The following CLUH variants were observed in gnomAD, a reference collection of about 807,000 sequenced individuals.
CLUH encodes the protein CLUH binding protein of NUMT mRNA.
Under a neutral mutation model 139.3 loss-of-function variants are expected in CLUH, and 77 were observed. That is an observed-to-expected ratio of 0.55 (90% CI 0.46 to 0.67). The LOEUF (loss-of-function observed/expected upper bound fraction) is 0.67. Ranked by LOEUF, CLUH falls within the 30% of genes least tolerant of loss-of-function variation. The probability of loss-of-function intolerance (pLI) is 0.00; values close to 1 mark genes in which losing one functional copy is unlikely to be tolerated. For missense variants in CLUH, 1,876 were observed against 1,875.8 expected, an observed-to-expected ratio of 1.00 and a Z score of 0.00; for synonymous variants, 999 against 801.6, an observed-to-expected ratio of 1.25 and a Z score of -4.16.
At chr17:2,697,727 A>G (rs1011301782) in intron 10 of CLUH, among the ~76,000 whole-genome samples, 169 bp downstream of exon 10, 21 of 152,242 alleles carry the variant, frequency 1.4e-4, no homozygotes, top group Middle Eastern at 3.4e-3. Context: ...TGCGCTCGGG[A>G]GCCTGACAGC....
At chr17:2,691,731 G>GC (rs1410850469) in intron 24 of CLUH, 30 bp downstream of exon 24, 1 of 1,600,356 alleles carries the variant, frequency 6.2e-7, no homozygotes, top group Admixed American at 1.7e-5. Context: ...CGCTCGCCGG[G>GC]CCGGAGGGGC....
At chr17:2,697,047 G>A in intron 10 of CLUH, 105 bp from the exon 11 acceptor site, 1 of 814,216 alleles carries the variant, frequency 1.2e-6, no homozygotes, top group South Asian at 1.9e-5. Flanking sequence ...GCAGGCATAG[G>A]GCACCTCCTG....
chr17:2,699,877 G>A (rs1045300962), intron 9 of CLUH, among the ~76,000 whole-genome samples: 11 of 152,152 alleles, frequency 7.2e-5, no homozygotes, highest in Non-Finnish European at 1.5e-4. Flanking sequence ...TGATCCGCCC[G>A]CCTCGGCCTC....
chr17:2,696,459 G>A lies in CLUH; in HGVS notation c.2265C>T (p.Arg755=). 6.3e-7 allele frequency: 1 copy of A among 1,594,928 alleles called. No homozygotes were observed. The highest frequency in any genetic ancestry group is 2.3e-5 in the East Asian group (1 of 43,816). ...CTGGTGAGAAGATGTCAGGATTGAAGCGAATGTCGAAGGCGGTGCTGCTGA... is the reference window on the plus strand; with the variant it reads ...CTGGTGAGAAGATGTCAGGATTGAAACGAATGTCGAAGGCGGTGCTGCTGA... The part of the protein sequence containing the change: ...GSISSTAFDI[R]FNPDIFSPGV... Residue 755 remains arginine (R), a synonymous_variant, in exon 12 of 26, where the codon CGC becomes CGT. Transcript: ENST00000651024.
At position 2,703,072 on chromosome 17, in the gene CLUH, C is replaced by T. The variant is rs941122516; in HGVS notation, c.475+246G>A. ...AACTCCTGACCTCAGGTGATCCACA[C>T]GCCTTGGCCTCCCAAAGTGTTGGGA... On this transcript the variant is annotated intron_variant, in intron 3 of 25. Transcript: ENST00000651024. This position sits in a 1 kb window ranked among gnomAD's most constrained non-coding sequence, Gnocchi z 4.2. Among the ~76,000 whole-genome samples, 7 of 152,232 alleles carry T rather than the reference C, an allele frequency of 4.6e-5. No homozygotes were observed. The highest frequency in any genetic ancestry group is 1.7e-4 in the African/African-American group (7 of 41,454).
Position 2,704,436 on chromosome 17 carries a change from C to T in CLUH, c.229G>A (p.Glu77Lys), listed in dbSNP as rs1343817946. The T allele has an allele frequency of 6.2e-7, 1 of 1,609,638 alleles. No homozygotes were observed. The highest frequency in any genetic ancestry group is 1.1e-5 in the South Asian group (1 of 89,994). ...AGPGDETTGQ[E>K]VIVIQDTGFS... ...CCCGTGTCCTGAATGACAATGACTTCCTGGCCGGTGGTCTCATCTCCCGGG... is the reference window on the plus strand; with the variant it reads ...CCCGTGTCCTGAATGACAATGACTTTCTGGCCGGTGGTCTCATCTCCCGGG... The change falls in exon 2 of 26, where the codon GAA becomes AAA. Residue 77 changes from glutamate (E) to lysine (K), a missense_variant. Physicochemically the swap from Glu to Lys is moderately conservative, Grantham distance 56. Around this residue, in one of 3 missense-constraint regions of CLUH, gnomAD observed 152 missense variants for 136.7 expected, o/e 1.11. Transcript: ENST00000651024. This position sits in a 1 kb window ranked among gnomAD's most constrained non-coding sequence, Gnocchi z 5.7.
chr17:2,691,520 C>G (rs1005020915), intron 25 of CLUH, 89 bp downstream of exon 25: 1 of 1,335,006 alleles, frequency 7.5e-7, no homozygotes. Flanking sequence ...GGGATGGCGC[C>G]GCCGCACTCC....
In CLUH at chr17:2,706,985, G is replaced by A. The variant is rs1245187835; in HGVS notation, c.101-2421C>T. The stretch of plus-strand genomic sequence containing the variant: ...CCCAGCCCAGGGAGACGACCCTCAG[G>A]GGGTACCTATTCCCTATCCCGTTTC... On this transcript the variant is annotated intron_variant, in intron 1 of 25. Coordinates refer to ENST00000651024, the MANE Select transcript of CLUH (RefSeq NM_001366661.1). The surrounding 1 kb of genome is among the most constrained non-coding windows in gnomAD (Gnocchi z 4.6). Among the ~76,000 whole-genome samples, 1 of 152,200 alleles carries A rather than the reference G, an allele frequency of 6.6e-6. No homozygotes were observed. The highest frequency in any genetic ancestry group is 1.5e-5 in the Non-Finnish European group (1 of 68,034).
chr17:2,707,963 G>A lies in CLUH; in HGVS notation c.101-3399C>T. The A allele has an allele frequency of 2.0e-6, 2 of 985,438 alleles. No homozygotes were observed. The highest frequency in any genetic ancestry group is 1.2e-6 in the Non-Finnish European group (1 of 829,912). The allele number at this position is 985,438 out of a possible 1,614,324, so 61.0% of individuals were successfully genotyped here. On this transcript the variant is annotated intron_variant, in intron 1 of 25. Transcript: ENST00000651024. The surrounding 1 kb of genome is among the most constrained non-coding windows in gnomAD (Gnocchi z 7.4). ...CCTGGCCTCCAGGCTCCATCAAGAA[G>A]CTGGCAGGCTCCATCTTCCCTTCCC... is the stretch of plus-strand genomic sequence containing the variant.
rs2070396404 is a variant in CLUH, at chr17:2,707,941, G to A, written c.101-3377C>T. On this transcript the variant is annotated intron_variant, in intron 1 of 25. Transcript: ENST00000651024. The surrounding 1 kb of genome is among the most constrained non-coding windows in gnomAD (Gnocchi z 7.4). ...AGAGGACAACTGCACCCGTGCCCCT[G>A]GCCTCCAGGCTCCATCAAGAAGCTG... 1.0e-6 allele frequency: 1 copy of A among 985,334 alleles called. No individual in the cohort carries two copies. The highest frequency in any genetic ancestry group is 1.7e-5 in the African/African-American group (1 of 57,234). The allele number at this position is 985,334 out of a possible 1,614,324, so 61.0% of individuals were successfully genotyped here.
At chr17:2,698,625 G>T (rs201536142) in intron 9 of CLUH, 35 bp from the exon 10 acceptor site, 9 of 1,513,460 alleles carry the variant, frequency 5.9e-6, no homozygotes, top group East Asian at 2.4e-5. Context: ...GTTAGAGGCC[G>T]CGCCCACAAG....
At position 2,690,392 on chromosome 17, in the gene CLUH, T is replaced by C. The variant is rs972567068; in HGVS notation, c.*202A>G. On this transcript the variant is annotated 3_prime_UTR_variant, in exon 26 of 26. Transcript: ENST00000651024. ...ACGTGTCTCCAATGGGGCCTCTGCA[T>C]CATCTATTCATTGAACCAGCGCAAA... The C allele has an allele frequency of 2.3e-6, 1 of 442,698 alleles. No homozygotes were observed. Among genetic ancestry groups the C allele is most frequent in the Admixed American group, 4.3e-5 (1 of 23,008 alleles). The allele number at this position is 442,698 out of a possible 1,614,324, so 27.4% of individuals were successfully genotyped here. A position where few individuals can be genotyped will look rare whatever the true frequency, so the allele number is the denominator to read the frequency against.
rs555664212 is a variant in CLUH at position 2,704,440 on chromosome 17, G to A, written c.225C>T (p.Gly75=). 1 of 1,609,204 alleles carries A rather than the reference G, an allele frequency of 6.2e-7. No homozygotes were observed. Among genetic ancestry groups the A allele is most frequent in the Non-Finnish European group, 8.5e-7 (1 of 1,178,022 alleles). ...TGTCCTGAATGACAATGACTTCCTG[G>A]CCGGTGGTCTCATCTCCCGGGCCGG... ...DEAGPGDETT[G]QEVIVIQDTG... is the part of the protein sequence containing the mutation. The change falls in exon 2 of 26, where the codon GGC becomes GGT. Residue 75 remains glycine (G), a synonymous_variant. Coordinates refer to ENST00000651024, the MANE Select transcript of CLUH (RefSeq NM_001366661.1). The surrounding 1 kb of genome is among the most constrained non-coding windows in gnomAD (Gnocchi z 5.7).
Position 2,695,409 on chromosome 17 carries a change from G to T in CLUH, c.2509C>A (p.Arg837=). 6.2e-7 allele frequency: 1 copy of T among 1,612,668 alleles called. No homozygotes were observed. Among genetic ancestry groups the T allele is most frequent in the Non-Finnish European group, 8.5e-7 (1 of 1,179,720 alleles). The change falls in exon 14 of 26, where the codon CGG becomes AGG. Residue 837 remains arginine (R), a synonymous_variant. Transcript: ENST00000651024. The part of the protein sequence containing the change: ...YLGKVLELVL[R]SPARHQLDHV... Reference sequence around the variant, plus strand: ...TCCAGCTGGTGGCGGGCCGGGCTCCGCAGCACCAGCTCCAGCACCTTGCCC... The same window carrying T: ...TCCAGCTGGTGGCGGGCCGGGCTCCTCAGCACCAGCTCCAGCACCTTGCCC...
chr17:2,701,083 G>A (rs1597617766), intron 7 of CLUH, 57 bp downstream of exon 7: 1 of 1,611,490 alleles, frequency 6.2e-7, no homozygotes, highest in East Asian at 2.2e-5. Flanking sequence ...AGGTGGGCCG[G>A]CTCACCCCAT....
Position 2,691,650 on chromosome 17 carries a change from C to A in CLUH, c.3822G>T (p.Glu1274Asp), listed in dbSNP as rs745595525. Reference sequence around the variant, plus strand: ...GGATGCCGTTAATGACGTTCAGCTGCTCCAAGACGCTGGCCATGCTGGGGG... The same window carrying A: ...GGATGCCGTTAATGACGTTCAGCTGATCCAAGACGCTGGCCATGCTGGGGG... The part of the protein sequence containing the change: ...FTAPSMASVL[E>D]QLNVINGILF... Residue 1274 changes from glutamate (E) to aspartate (D), a missense_variant, in exon 25 of 26, where the codon GAG becomes GAT. Physicochemically the swap from Glu to Asp is conservative, Grantham distance 45. Coordinates refer to ENST00000651024, the MANE Select transcript of CLUH (RefSeq NM_001366661.1). The A allele has an allele frequency of 9.3e-6, 15 of 1,612,608 alleles. No individual in the cohort carries two copies. Among genetic ancestry groups the A allele is most frequent in the Non-Finnish European group, 1.2e-5 (14 of 1,179,390 alleles).
rs772082865 is a variant in CLUH at position 2,691,997 on chromosome 17, C to CCCCGCCCCCGCCCCCGCT, written c.3654+6_3654+7insAGCGGGGGCGGGGGCGGG. Reference sequence around the variant, plus strand: ...GCCCCCGCCCCCGCCACGCCCCCGCCGCGCACCTGCGTCTTGTAGATGGTG... The same window carrying CCCCGCCCCCGCCCCCGCT: ...GCCCCCGCCCCCGCCACGCCCCCGCCCCCGCCCCCGCCCCCGCTGCGCACCTGCGTCTTGTAGATGGTG... On this transcript the variant is annotated splice_region_variant and intron_variant, in intron 23 of 25. Coordinates refer to ENST00000651024, the MANE Select transcript of CLUH (RefSeq NM_001366661.1). 59 of 1,331,448 alleles carry CCCCGCCCCCGCCCCCGCT rather than the reference C, an allele frequency of 4.4e-5. No homozygotes were observed. The highest frequency in any genetic ancestry group is 2.2e-4 in the East Asian group (6 of 27,246). The allele number at this position is 1,331,448 out of a possible 1,614,324, so 82.5% of individuals were successfully genotyped here. A position where few individuals can be genotyped will look rare whatever the true frequency, so the allele number is the denominator to read the frequency against.
rs2069703298 is a variant in CLUH, at chr17:2,692,033, T to C, written c.3625A>G (p.Lys1209Glu). The change falls in exon 23 of 26, where the codon AAG (lysine) becomes GAG (glutamate). Residue 1209 changes from lysine (K) to glutamate (E), a missense_variant. Around this residue, in one of 3 missense-constraint regions of CLUH, gnomAD observed 1,454 missense variants for 1,384.4 expected, o/e 1.05. Coordinates refer to ENST00000651024, the MANE Select transcript of CLUH (RefSeq NM_001366661.1). Reference sequence around the variant, plus strand: ...GTCTTGTAGATGGTGTAACCCTCCTTCTCGTGCTGCAGGGCCGACCGGAAC... The same window carrying C: ...GTCTTGTAGATGGTGTAACCCTCCTCCTCGTGCTGCAGGGCCGACCGGAAC... ...AEFRSALQHEKEGYTIYKTQL... is the reference protein window; with the variant it reads ...AEFRSALQHEEEGYTIYKTQL... 2.5e-6 allele frequency: 4 copies of C among 1,591,194 alleles called. No homozygotes were observed. Among genetic ancestry groups the C allele is most frequent in the Non-Finnish European group, 3.4e-6 (4 of 1,168,966 alleles).
chr17:2,696,477 G>A lies in CLUH; in HGVS notation c.2247C>T (p.Ser749=). 1 of 1,595,282 alleles carries A rather than the reference G, an allele frequency of 6.3e-7. No individual in the cohort carries two copies. Among genetic ancestry groups the A allele is most frequent in the Non-Finnish European group, 8.5e-7 (1 of 1,172,758 alleles). The change falls in exon 12 of 26, where the codon AGC becomes AGT. Residue 749 remains serine, a synonymous_variant. Transcript: ENST00000651024. ...NACKAVGSIS[S]TAFDIRFNPD... is the part of the protein sequence containing the mutation. Reference sequence around the variant, plus strand: ...GATTGAAGCGAATGTCGAAGGCGGTGCTGCTGATGGAGCCGACCGCCTTGC... The same window carrying A: ...GATTGAAGCGAATGTCGAAGGCGGTACTGCTGATGGAGCCGACCGCCTTGC...
Sources: gnomAD v4.1 joint callset for allele counts (sites outside exome capture counted in the v4.1 genomes callset) on GRCh38, gnomAD v4.1.1 for gene constraint, gnomAD v4.1.1 regional missense constraint, Gnocchi (gnomAD v3.1) non-coding constraint, MANE v1.5 for transcripts, NCBI Gene and HGNC (gene_info 2026-07-23, HGNC 2026-07-21) for gene names.